FGF9: variants seen among roughly 807,000 people sequenced by gnomAD.
FGF9 encodes the protein fibroblast growth factor 9 (glia-activating factor).
Under a neutral mutation model 19.9 loss-of-function variants are expected in FGF9, and 3 were observed. The ratio of observed to expected loss-of-function variants is 0.15; its 90% CI spans 0.07 to 0.39. FGF9 has a LOEUF of 0.39. FGF9 is among the 10% of genes least tolerant of loss of function. FGF9 has a pLI of 1.00. For missense variants in FGF9, 175 were observed against 256.8 expected (o/e 0.68, Z 2.18); for synonymous variants, 107 against 106.9 (o/e 1.00, Z -0.01).
At chr13:21,675,671 G>T (rs759675125) in intron 1 of FGF9, among the ~76,000 whole-genome samples, 2 of 152,236 alleles carry the variant, frequency 1.3e-5, no homozygotes, top group Non-Finnish European at 2.9e-5. Flanking sequence ...AAGAGTAACT[G>T]TAGGTGGGGG....
chr13:21,699,519 G>C (rs2138148705), intron 2 of FGF9, among the ~76,000 whole-genome samples: 1 of 152,220 alleles, frequency 6.6e-6, no homozygotes, highest in African/African-American at 2.4e-5. Context: ...ATTAGGGAGG[G>C]GACCTAGAGA....
In FGF9 at chr13:21,672,331, T is replaced by A; in HGVS notation, c.277+142T>A. ...CTCTGTATCTCTGTCTCTCTCTCTC[T>A]CTGTCTTGCCAGCTCCGAAAAAAAA... On this transcript the variant is annotated intron_variant, in intron 1 of 2. Coordinates refer to ENST00000382353, the MANE Select transcript of FGF9 (RefSeq NM_002010.3). The surrounding 1 kb of genome is among the most constrained non-coding windows in gnomAD (Gnocchi z 4.2). The A allele has an allele frequency of 1.0e-6, 1 of 954,350 alleles. No individual in the cohort carries two copies. The highest frequency in any genetic ancestry group is 1.6e-6 in the Non-Finnish European group (1 of 611,316). The allele number at this position is 954,350 out of a possible 1,614,324, so 59.1% of individuals were successfully genotyped here.
chr13:21,688,659 T>TA (rs1872215607), intron 2 of FGF9, among the ~76,000 whole-genome samples: 1 of 152,196 alleles, frequency 6.6e-6, no homozygotes, highest in South Asian at 2.1e-4. Context: ...AAAATATATT[T>TA]ACTAGAATTA....
chr13:21,681,728 T>C (rs1315057684), intron 2 of FGF9, among the ~76,000 whole-genome samples: 1 of 152,248 alleles, frequency 6.6e-6, no homozygotes, highest in Non-Finnish European at 1.5e-5. Context: ...GAAGTATTTA[T>C]TGTGCTCTGC....
chr13:21,690,177 G>A (rs754167777), intron 2 of FGF9, among the ~76,000 whole-genome samples: 9 of 151,866 alleles, frequency 5.9e-5, no homozygotes, highest in Non-Finnish European at 8.8e-5. Flanking sequence ...TCACACATTC[G>A]CACACTCGCT....
At position 21,672,147 on chromosome 13, in the gene FGF9, A is replaced by G. The variant is rs1226739190; in HGVS notation, c.235A>G (p.Asn79Asp). Residue 79 changes from asparagine (N) to aspartate (D), a missense_variant, in exon 1 of 3, where the codon AAT becomes GAT. Asn to Asp is a conservative substitution (Grantham distance 23, BLOSUM62 1). Transcript: ENST00000382353. The surrounding 1 kb of genome is among the most constrained non-coding windows in gnomAD (Gnocchi z 4.2). Reference sequence around the variant, plus strand: ...TGGATTTCACTTAGAAATCTTCCCCAATGGTACTATCCAGGGAACCAGGAA... The same window carrying G: ...TGGATTTCACTTAGAAATCTTCCCCGATGGTACTATCCAGGGAACCAGGAA... ...RTGFHLEIFP[N>D]GTIQGTRKDH... 6.2e-7 allele frequency: 1 copy of G among 1,614,244 alleles called. No homozygotes were observed. Among genetic ancestry groups the G allele is most frequent in the South Asian group, 1.1e-5 (1 of 91,086 alleles).
At chr13:21,683,159 A>T (rs1249457009) in intron 2 of FGF9, among the ~76,000 whole-genome samples, 2 of 152,346 alleles carry the variant, frequency 1.3e-5, no homozygotes, top group Non-Finnish European at 2.9e-5. Flanking sequence ...CACCAGCATG[A>T]TTCAGACTCC....
At chr13:21,700,064 C>T (rs775693525) in intron 2 of FGF9, among the ~76,000 whole-genome samples, 132 of 151,194 alleles carry the variant, frequency 8.7e-4, no homozygotes, top group Non-Finnish European at 1.1e-3. Context: ...TTTGTTGTTA[C>T]TGCCCATGAG....
intron 2 of FGF9, among the ~76,000 whole-genome samples, chr13:21,683,933 G>C (rs952306303): frequency 2.0e-5 from 3 of 152,216 alleles, no homozygotes; most frequent in African/African-American, 7.2e-5. Context: ...CAATGCTTAG[G>C]ATGAACCGCT....
At position 21,691,923 on chromosome 13, in the gene FGF9, T is replaced by A. The variant is rs139874537; in HGVS notation, c.382-9267T>A. Among the ~76,000 whole-genome samples, 350 of 152,238 alleles carry A rather than the reference T, an allele frequency of 2.3e-3. 1 individual carries two copies. The highest frequency in any genetic ancestry group is 3.9e-3 in the Admixed American group (59 of 15,296). On this transcript the variant is annotated intron_variant, in intron 2 of 2. Coordinates refer to ENST00000382353, the MANE Select transcript of FGF9 (RefSeq NM_002010.3). The surrounding 1 kb of genome is among the most constrained non-coding windows in gnomAD (Gnocchi z 4.2). The stretch of plus-strand genomic sequence containing the variant: ...GTGAGAGCCACACTCAGAGCTGTCT[T>A]CTTCATGCTGTCTCTAAATGCTTAC...
chr13:21,699,826 G>A (rs1205343726), intron 2 of FGF9, among the ~76,000 whole-genome samples: 1 of 152,140 alleles, frequency 6.6e-6, no homozygotes, highest in African/African-American at 2.4e-5. Flanking sequence ...GTAGGTAAGA[G>A]AAAAGAAACT....
rs1462957731 is a variant in FGF9, at chr13:21,671,152, A to G, written c.-761A>G. ...ACGCTCCGCGAGCCGGCGCGGCAAC[A>G]CCTGTTCGCGGCAGCCTGGGCGGCA... On this transcript the variant is annotated 5_prime_UTR_variant, in exon 1 of 3. Coordinates refer to ENST00000382353, the MANE Select transcript of FGF9 (RefSeq NM_002010.3). 3.3e-5 allele frequency among the ~76,000 whole-genome samples: 5 copies of G among 151,998 alleles called. No individual in the cohort carries two copies. The highest frequency in any genetic ancestry group is 1.5e-5 in the Non-Finnish European group (1 of 67,946).
At chr13:21,696,238 G>A (rs887625786) in intron 2 of FGF9, among the ~76,000 whole-genome samples, 2 of 152,132 alleles carry the variant, frequency 1.3e-5, no homozygotes, top group Admixed American at 6.5e-5. Context: ...ATAGGATTTG[G>A]TAAAAGTTTT....
chr13:21,701,701 GTGTGTGTA>G lies in FGF9; in HGVS notation c.*274_*281del, dbSNP rs1364462241. The G allele has an allele frequency of 2.4e-4, 106 of 445,994 alleles. No homozygotes were observed. Among genetic ancestry groups the G allele is most frequent in the Non-Finnish European group, 3.3e-4 (82 of 247,162 alleles). 27.6% of individuals were successfully genotyped at this position (445,994 alleles called of 1,614,324 possible). A position where few individuals can be genotyped will look rare whatever the true frequency, so the allele number is the denominator to read the frequency against. The stretch of plus-strand genomic sequence containing the variant: ...GAGAGAGAGAGACTGAGCGCTAGGA[GTGTGTGTA>G]TGTGTGTGTGTGTGTGTGTGTGTGT... On this transcript the variant is annotated 3_prime_UTR_variant, in exon 3 of 3. Coordinates refer to ENST00000382353, the MANE Select transcript of FGF9 (RefSeq NM_002010.3).
In FGF9 at chr13:21,671,904, A is replaced by G. The variant is rs1251016440; in HGVS notation, c.-9A>G. ...GTTTATTCTTGTGCTCCAAAAGCCG[A>G]GTCCTCTGATGGCTCCCTTAGGTGA... On this transcript the variant is annotated 5_prime_UTR_variant, in exon 1 of 3. Coordinates refer to ENST00000382353, the MANE Select transcript of FGF9 (RefSeq NM_002010.3). 9 of 1,614,134 alleles carry G rather than the reference A, an allele frequency of 5.6e-6. No homozygotes were observed. The East Asian group carries it at 2.0e-4, about 36-fold the overall frequency.
At chr13:21,677,063 A>C (rs1871933507) in intron 1 of FGF9, among the ~76,000 whole-genome samples, 2 of 152,178 alleles carry the variant, frequency 1.3e-5, no homozygotes, top group Admixed American at 1.3e-4. Flanking sequence ...CATCAAATCC[A>C]ATGGGGTCCC....
intron 1 of FGF9, among the ~76,000 whole-genome samples, chr13:21,675,358 T>G (rs1871886900): frequency 6.6e-6 from 1 of 152,038 alleles, no homozygotes; most frequent in Non-Finnish European, 1.5e-5. Context: ...GGTCCCAATA[T>G]TAGCAACCTC....
At chr13:21,697,206 A>G (rs939944714) in intron 2 of FGF9, among the ~76,000 whole-genome samples, 6 of 152,172 alleles carry the variant, frequency 3.9e-5, no homozygotes, top group South Asian at 2.1e-4. Flanking sequence ...TGCCCAAGCT[A>G]TAGTGCAGTG....
At chr13:21,678,552 AT>A (rs199616520) in intron 1 of FGF9, among the ~76,000 whole-genome samples, 1 of 151,152 alleles carries the variant, frequency 6.6e-6, no homozygotes, top group Admixed American at 6.6e-5. Context: ...TGCTGCTGTT[AT>A]TTTTTTTTCT....
Sources: allele counts gnomAD v4.1 joint callset (sites outside exome capture counted in the v4.1 genomes callset), GRCh38; gene constraint gnomAD v4.1.1; non-coding constraint Gnocchi (gnomAD v3.1); transcripts MANE v1.5; gene names NCBI Gene and HGNC (gene_info 2026-07-23, HGNC 2026-07-21).